The following DENND1A variants were observed in gnomAD, a reference collection of about 807,000 sequenced individuals.
DENND1A encodes DENN domain-containing protein 1A.
DENND1A carries 51 observed loss-of-function variants against 113.7 expected under a neutral mutation model. That is an observed-to-expected ratio of 0.45 (90% CI 0.36 to 0.57). The LOEUF is 0.57. Ranked by LOEUF, DENND1A falls within the 20% of genes least tolerant of loss-of-function variation. DENND1A has a pLI of 0.00. For synonymous variants in DENND1A, 565 were observed against 570.8 expected (o/e 0.99, Z 0.14); for missense variants, 1,258 against 1,395.9 (o/e 0.90, Z 1.57).
chr9:123,897,086 T>C (rs1046398444), intron 1 of DENND1A, among the ~76,000 whole-genome samples: 2 of 152,192 alleles, frequency 1.3e-5, no homozygotes, highest in African/African-American at 4.8e-5. Flanking sequence ...ATCTAGAAGT[T>C]CTGGCTCCCA....
chr9:123,675,340 A>C (rs2064010159), intron 6 of DENND1A, among the ~76,000 whole-genome samples: 1 of 152,214 alleles, frequency 6.6e-6, no homozygotes, highest in South Asian at 2.1e-4. Context: ...GGGGCAAAAC[A>C]AGATGGGAAG....
chr9:123,563,914 C>T (rs2057905116), intron 12 of DENND1A, among the ~76,000 whole-genome samples: 1 of 152,134 alleles, frequency 6.6e-6, no homozygotes, highest in South Asian at 2.1e-4. Flanking sequence ...TTAAAAAATA[C>T]AAGCCTCCAA....
At chr9:123,761,064 G>T (rs1330567808) in intron 4 of DENND1A, among the ~76,000 whole-genome samples, 1 of 152,180 alleles carries the variant, frequency 6.6e-6, no homozygotes, top group Non-Finnish European at 1.5e-5. Flanking sequence ...CCAGGAAAAA[G>T]ACAGAGAATG....
At chr9:123,623,385 G>GT (rs1365305447) in intron 10 of DENND1A, among the ~76,000 whole-genome samples, 2 of 152,128 alleles carry the variant, frequency 1.3e-5, no homozygotes, top group Non-Finnish European at 2.9e-5. Flanking sequence ...TTCAAAGTAG[G>GT]TAAGTTATAC....
chr9:123,791,593 A>G (rs1158309177), intron 3 of DENND1A, among the ~76,000 whole-genome samples: 1 of 152,146 alleles, frequency 6.6e-6, no homozygotes, highest in Non-Finnish European at 1.5e-5. Flanking sequence ...CCCTTTATTC[A>G]TAAAGATGTA....
intron 1 of DENND1A, among the ~76,000 whole-genome samples, chr9:123,902,971 C>T (rs538244722): frequency 9.2e-5 from 14 of 151,784 alleles, no homozygotes; most frequent in African/African-American, 3.4e-4. Context: ...TATAACATGA[C>T]CAAGTGGGTT....
chr9:123,579,199 T>C (rs1452247666), intron 12 of DENND1A, among the ~76,000 whole-genome samples: 1 of 152,130 alleles, frequency 6.6e-6, no homozygotes, highest in Non-Finnish European at 1.5e-5. Context: ...TTTAAATATA[T>C]TATATATATT....
At chr9:123,861,747 A>AT (rs1044983091) in intron 2 of DENND1A, among the ~76,000 whole-genome samples, 2 of 152,168 alleles carry the variant, frequency 1.3e-5, no homozygotes, top group Non-Finnish European at 2.9e-5. Flanking sequence ...TCCTTTAAAA[A>AT]ATATATATAT....
At chr9:123,811,151 G>T (rs1296549607) in intron 2 of DENND1A, among the ~76,000 whole-genome samples, 2 of 152,138 alleles carry the variant, frequency 1.3e-5, no homozygotes, top group Non-Finnish European at 2.9e-5. Context: ...AGCCTCCAAA[G>T]TTGAACACAT....
intron 13 of DENND1A, among the ~76,000 whole-genome samples, chr9:123,493,370 G>A (rs1036391099): frequency 5.3e-5 from 8 of 152,198 alleles, no homozygotes; most frequent in African/African-American, 1.7e-4. Context: ...TTAGCATCAA[G>A]TTCCTCTTGT....
intron 13 of DENND1A, among the ~76,000 whole-genome samples, chr9:123,463,746 C>A (rs2048716641): frequency 6.6e-6 from 1 of 151,474 alleles, no homozygotes. Flanking sequence ...CCCATCTCTA[C>A]AAAAATACAA....
At chr9:123,653,511 T>C (rs374630335) in intron 8 of DENND1A, among the ~76,000 whole-genome samples, 1 of 152,244 alleles carries the variant, frequency 6.6e-6, no homozygotes, top group African/African-American at 2.4e-5. Context: ...TTATTAAACA[T>C]GTCACTTAAT....
chr9:123,711,515 A>G (rs201350381), intron 5 of DENND1A, among the ~76,000 whole-genome samples: 70 of 30,528 alleles, frequency 2.3e-3, no homozygotes, highest in African/African-American at 9.6e-3. Flanking sequence ...GTATATATGT[A>G]TATATATATA....
chr9:123,419,921 G>A (rs2045102787), intron 19 of DENND1A, among the ~76,000 whole-genome samples: 1 of 152,198 alleles, frequency 6.6e-6, no homozygotes, highest in African/African-American at 2.4e-5. Flanking sequence ...CTTCAGCCAG[G>A]GCAGCTGGAG....
chr9:123,841,878 T>C (rs1841890299), intron 2 of DENND1A, among the ~76,000 whole-genome samples: 1 of 152,292 alleles, frequency 6.6e-6, no homozygotes, highest in African/African-American at 2.4e-5. Flanking sequence ...TTAGTTTGCA[T>C]ACCTGATTTT....
chr9:123,524,912 C>T (rs1029718955), intron 13 of DENND1A, among the ~76,000 whole-genome samples: 5 of 152,180 alleles, frequency 3.3e-5, no homozygotes, highest in African/African-American at 1.2e-4. Flanking sequence ...GAATTTCAAC[C>T]CAGACTGTTT....
chr9:123,587,036 A>C (rs553367191), intron 11 of DENND1A, among the ~76,000 whole-genome samples: 4 of 151,636 alleles, frequency 2.6e-5, no homozygotes. Flanking sequence ...AATAATAGAC[A>C]CACACGAGAT....
intron 5 of DENND1A, among the ~76,000 whole-genome samples, chr9:123,697,633 C>T (rs549526727): frequency 2.0e-5 from 3 of 152,116 alleles, no homozygotes; most frequent in Non-Finnish European, 2.9e-5. Context: ...TGAGAACATA[C>T]GGTGTTTGGT....
intron 12 of DENND1A, among the ~76,000 whole-genome samples, chr9:123,561,952 T>C (rs893195281): frequency 2.6e-5 from 4 of 152,150 alleles, no homozygotes; most frequent in Non-Finnish European, 5.9e-5. Flanking sequence ...GCCCATGACA[T>C]TGGCCCTGCA....
Sources: allele counts gnomAD v4.1 joint callset (sites outside exome capture counted in the v4.1 genomes callset), GRCh38; gene constraint gnomAD v4.1.1; transcripts MANE v1.5; gene names NCBI Gene and HGNC (gene_info 2026-07-23, HGNC 2026-07-21).